The following CDH6 variants were observed in gnomAD, a reference collection of about 807,000 sequenced individuals.
The protein encoded by CDH6 is cadherin-6.
A neutral mutation model predicts 78.0 loss-of-function variants in CDH6; 31 were observed. That is an observed-to-expected ratio of 0.40 (90% CI 0.30 to 0.54). The LOEUF (loss-of-function observed/expected upper bound fraction) is 0.54, where lower values mean the gene tolerates loss of function less well. Ranked by LOEUF, CDH6 falls within the 20% of genes least tolerant of loss-of-function variation. The pLI is 0.56. For synonymous variants in CDH6, 376 were observed against 368.8 expected, an observed-to-expected ratio of 1.02 and a Z score of -0.23; for missense variants, 724 against 975.9, an observed-to-expected ratio of 0.74 and a Z score of 3.44.
At chr5:31,299,967 A>G (rs1027502469) in intron 5 of CDH6, among the ~76,000 whole-genome samples, 4 of 152,212 alleles carry the variant, frequency 2.6e-5, no homozygotes, top group African/African-American at 9.6e-5. Context: ...AAAAAATTTG[A>G]CTTTATGTTT....
intron 11 of CDH6, chr5:31,318,442 C>T (rs1457880307): frequency 3.9e-6 from 1 of 253,690 alleles, no homozygotes; most frequent in African/African-American, 2.2e-5. Context: ...TAAATGATTA[C>T]CTTCTTAGCA....
At chr5:31,302,417 T>G (rs1018522186) in intron 6 of CDH6, 119 bp downstream of exon 6, 1 of 832,770 alleles carries the variant, frequency 1.2e-6, no homozygotes, top group Non-Finnish European at 1.8e-6. Context: ...TTTTACTTAT[T>G]ATTTTCAGAA....
Position 31,322,979 on chromosome 5 carries a change from G to A in CDH6, c.2044G>A (p.Ala682Thr). Reference sequence around the variant, plus strand: ...TATCGGCACCCTGAGGAATCCTGAAGCCATAGAGGACAACAAATTACGAAG... The same window carrying A: ...TATCGGCACCCTGAGGAATCCTGAAACCATAGAGGACAACAAATTACGAAG... ...FDIGTLRNPE[A>T]IEDNKLRRDI... Residue 682 changes from alanine (A) to threonine (T), a missense_variant, in exon 12 of 12, where the codon GCC becomes ACC. Coordinates refer to ENST00000265071, the MANE Select transcript of CDH6 (RefSeq NM_004932.4). 6.2e-7 allele frequency: 1 copy of A among 1,614,178 alleles called. No individual in the cohort carries two copies.
At chr5:31,215,070 T>C (rs949450835) in intron 1 of CDH6, among the ~76,000 whole-genome samples, 2 of 152,214 alleles carry the variant, frequency 1.3e-5, no homozygotes, top group Non-Finnish European at 2.9e-5. Flanking sequence ...TTTTCAACTA[T>C]AATTAGAAGA....
chr5:31,225,491 A>G (rs1172769152), intron 1 of CDH6, among the ~76,000 whole-genome samples: 1 of 152,178 alleles, frequency 6.6e-6, no homozygotes, highest in Non-Finnish European at 1.5e-5. Flanking sequence ...ACAGTTCCAC[A>G]GGCTGTACAG....
chr5:31,322,849 G>A lies in CDH6; in HGVS notation c.1914G>A (p.Arg638=), dbSNP rs1738508401. 1 of 1,613,810 alleles carries A rather than the reference G, an allele frequency of 6.2e-7. No homozygotes were observed. The highest frequency in any genetic ancestry group is 1.7e-5 in the Admixed American group (1 of 59,998). The change falls in exon 12 of 12, where the codon CGG becomes CGA. Residue 638 remains arginine, a synonymous_variant. Coordinates refer to ENST00000265071, the MANE Select transcript of CDH6 (RefSeq NM_004932.4). ...VTVVLFAALR[R]QRKKEPLIIS... Reference sequence around the variant, plus strand: ...TGGTGCTGTTTGCAGCTCTGAGGCGGCAGCGAAAAAAAGAGCCTTTGATCA... The same window carrying A: ...TGGTGCTGTTTGCAGCTCTGAGGCGACAGCGAAAAAAAGAGCCTTTGATCA...
At chr5:31,195,779 C>G (rs545309050) in intron 1 of CDH6, among the ~76,000 whole-genome samples, 2 of 152,218 alleles carry the variant, frequency 1.3e-5, no homozygotes, top group Admixed American at 6.5e-5. Flanking sequence ...TTGATGTGTT[C>G]TAATTAAAAA....
chr5:31,302,769 GAAAGAAGA>G (rs1343177571), intron 6 of CDH6, among the ~76,000 whole-genome samples: 1 of 98,916 alleles, frequency 1.0e-5, no homozygotes, highest in East Asian at 3.0e-4. Flanking sequence ...AAGAAAGAAA[GAAAGAAGA>G]AAGAGAGAGA....
intron 1 of CDH6, among the ~76,000 whole-genome samples, chr5:31,218,338 C>T (rs920904523): frequency 2.6e-5 from 4 of 152,056 alleles, no homozygotes; most frequent in African/African-American, 9.7e-5. Context: ...TCACATGTCT[C>T]AAAGATTTAT....
At chr5:31,314,248 C>T (rs1435645238) in intron 8 of CDH6, among the ~76,000 whole-genome samples, 1 of 151,412 alleles carries the variant, frequency 6.6e-6, no homozygotes, top group Non-Finnish European at 1.5e-5. Flanking sequence ...GTGCTGCACC[C>T]ATTAACTCGT....
intron 8 of CDH6, among the ~76,000 whole-genome samples, chr5:31,314,801 A>T (rs1280030351): frequency 2.0e-5 from 3 of 152,172 alleles, no homozygotes; most frequent in African/African-American, 7.2e-5. Context: ...TTTCATAAGT[A>T]TTTTAATCTT....
At chr5:31,275,997 T>C (rs1253320988) in intron 2 of CDH6, among the ~76,000 whole-genome samples, 1 of 152,230 alleles carries the variant, frequency 6.6e-6, no homozygotes, top group Non-Finnish European at 1.5e-5. Context: ...TATGTTTAGA[T>C]GTCAATGTGC....
intron 1 of CDH6, among the ~76,000 whole-genome samples, chr5:31,214,063 G>A (rs947843785): frequency 6.6e-6 from 1 of 151,316 alleles, no homozygotes; most frequent in African/African-American, 2.4e-5. Context: ...ACTGGGGAGG[G>A]CCTGTGTTGA....
chr5:31,224,348 CAT>C (rs1741086121), intron 1 of CDH6, among the ~76,000 whole-genome samples: 1 of 152,190 alleles, frequency 6.6e-6, no homozygotes, highest in African/African-American at 2.4e-5. Flanking sequence ...CTCCCCACAA[CAT>C]GTGGGAATTC....
intron 4 of CDH6, among the ~76,000 whole-genome samples, chr5:31,297,823 G>A (rs1358898017): frequency 2.6e-5 from 4 of 152,266 alleles, no homozygotes; most frequent in Middle Eastern, 6.8e-3. Context: ...ATGTGATAAT[G>A]ATACAAGTCG....
intron 2 of CDH6, 80 bp from the exon 3 acceptor site, chr5:31,293,882 A>C: frequency 8.1e-5 from 66 of 814,874 alleles, no homozygotes; most frequent in Non-Finnish European, 1.1e-4. Flanking sequence ...AAGTTAATGT[A>C]GCATGCACCA....
chr5:31,294,156 C>T lies in CDH6; in HGVS notation c.423C>T (p.Pro141=), dbSNP rs1014165415. 5 of 1,613,652 alleles carry T rather than the reference C, an allele frequency of 3.1e-6. No homozygotes were observed. Among genetic ancestry groups the T allele is most frequent in the African/African-American group, 2.7e-5 (2 of 74,824 alleles). ...GAAGGACAGGGAGACCCGTGGAGCC[C>T]GAGTCTGAATTCATCATCAAGATCC... ...INRRTGRPVE[P]ESEFIIKIHD... is the part of the protein sequence containing the mutation. The change falls in exon 3 of 12, where the codon CCC becomes CCT. Residue 141 remains proline, a synonymous_variant. Coordinates refer to ENST00000265071, the MANE Select transcript of CDH6 (RefSeq NM_004932.4). The surrounding 1 kb of genome is among the most constrained non-coding windows in gnomAD (Gnocchi z 4.1).
chr5:31,269,286 G>GGC (rs10647164), intron 2 of CDH6, among the ~76,000 whole-genome samples: 1 of 148,600 alleles, frequency 6.7e-6, no homozygotes, highest in Non-Finnish European at 1.5e-5. Context: ...AAAAAAGCGG[G>GGC]GGGGGCAGGT....
intron 1 of CDH6, among the ~76,000 whole-genome samples, chr5:31,259,707 C>A (rs1194929144): frequency 6.6e-6 from 1 of 152,206 alleles, no homozygotes; most frequent in Non-Finnish European, 1.5e-5. Flanking sequence ...GCTTTCTCTT[C>A]TTCTTTGTTC....
Sources: gnomAD v4.1 joint callset for allele counts (sites outside exome capture counted in the v4.1 genomes callset) on GRCh38, gnomAD v4.1.1 for gene constraint, Gnocchi (gnomAD v3.1) non-coding constraint, MANE v1.5 for transcripts, NCBI Gene and HGNC (gene_info 2026-07-23, HGNC 2026-07-21) for gene names.